The following TRAF6 variants were observed in gnomAD, a reference collection of about 807,000 sequenced individuals.
TRAF6 encodes the protein TNF receptor-associated factor 6.
In TRAF6, 10 loss-of-function variants were observed where a neutral mutation model predicts 48.4. The observed-to-expected ratio is 0.21, with a 90% CI of 0.13 to 0.35. The LOEUF is 0.35. TRAF6 is among the 10% of genes least tolerant of loss of function. The pLI is 1.00. For missense variants in TRAF6, 397 were observed against 661.0 expected (o/e 0.60, Z 4.38); for synonymous variants, 186 against 219.6 (o/e 0.85, Z 1.35).
intron 4 of TRAF6, among the ~76,000 whole-genome samples, chr11:36,495,604 A>G (rs1391858420): frequency 6.6e-6 from 1 of 152,128 alleles, no homozygotes; most frequent in Non-Finnish European, 1.5e-5. Flanking sequence ...TTTAGAAAGG[A>G]GTTGTCGGGC....
intron 1 of TRAF6, among the ~76,000 whole-genome samples, chr11:36,509,144 G>C (rs1200312718): frequency 6.6e-6 from 1 of 152,172 alleles, no homozygotes; most frequent in African/African-American, 2.4e-5. Context: ...GGCCAACACA[G>C]AATTTCTTTA....
intron 1 of TRAF6, 22 bp from the exon 2 acceptor site, chr11:36,501,559 A>T (rs1051766079): frequency 2.1e-5 from 32 of 1,529,268 alleles, no homozygotes; most frequent in Non-Finnish European, 2.6e-5. Context: ...GCAAGAAAAA[A>T]ATGCCTTTAT....
intron 6 of TRAF6, 95 bp downstream of exon 6, chr11:36,492,456 C>A: frequency 9.5e-7 from 1 of 1,056,186 alleles, no homozygotes; most frequent in African/African-American, 1.6e-5. Flanking sequence ...CACTGCTTTA[C>A]AACTACATCT....
chr11:36,502,664 G>C (rs1390257678), intron 1 of TRAF6, among the ~76,000 whole-genome samples: 1 of 152,082 alleles, frequency 6.6e-6, no homozygotes, highest in Non-Finnish European at 1.5e-5. Context: ...CAAAGATTCT[G>C]AGTAGCACTT....
rs1394728488 is a variant in TRAF6 at position 36,485,265 on chromosome 11, C to T, written c.*4573G>A. On this transcript the variant is annotated 3_prime_UTR_variant, in exon 7 of 7. Transcript: ENST00000526995. The stretch of plus-strand genomic sequence containing the variant: ...ATCTAAAATTTACATGACAAGGTAC[C>T]AGAAATTGGTCAGCTTCAACTGCTG... Among the ~76,000 whole-genome samples, 1 of 152,080 alleles carries T rather than the reference C, an allele frequency of 6.6e-6. No homozygotes were observed. Among genetic ancestry groups the T allele is most frequent in the Non-Finnish European group, 1.5e-5 (1 of 68,018 alleles).
chr11:36,507,857 T>C lies in TRAF6; in HGVS notation c.-23+2191A>G, dbSNP rs147198207. On this transcript the variant is annotated intron_variant, in intron 1 of 6. Coordinates refer to ENST00000526995, the MANE Select transcript of TRAF6 (RefSeq NM_004620.4). ...ATATGTGTATATATATACATATATATACACACACTTTTTTTTTTGTCAGGG... is the reference window on the plus strand; with the variant it reads ...ATATGTGTATATATATACATATATACACACACACTTTTTTTTTTGTCAGGG... Among the ~76,000 whole-genome samples the C allele has an allele frequency of 6.1e-3, 894 of 147,422 alleles. 7 individuals are homozygous for C. Among genetic ancestry groups the C allele is most frequent in the African/African-American group, 0.021 (820 of 39,704 alleles).
rs368061710 is a variant in TRAF6, at chr11:36,492,749, T to C, written c.679-121A>G. On this transcript the variant is annotated intron_variant, in intron 5 of 6. Coordinates refer to ENST00000526995, the MANE Select transcript of TRAF6 (RefSeq NM_004620.4). Reference sequence around the variant, plus strand: ...TGTACCACATTGGCAGTTGAATAGGTGCAGCATAAACCATCACCCACAAAA... The same window carrying C: ...TGTACCACATTGGCAGTTGAATAGGCGCAGCATAAACCATCACCCACAAAA... 44 of 709,408 alleles carry C rather than the reference T, an allele frequency of 6.2e-5. 1 individual carries two copies. The East Asian group carries it at 8.7e-4, about 14-fold the overall frequency. 43.9% of individuals were successfully genotyped at this position (709,408 alleles called of 1,614,324 possible).
intron 2 of TRAF6, among the ~76,000 whole-genome samples, chr11:36,499,195 G>T (rs1412605194): frequency 6.6e-6 from 1 of 151,878 alleles, no homozygotes; most frequent in East Asian, 1.9e-4. Context: ...GTATGTCTAG[G>T]GTCCAATGTT....
At chr11:36,500,830 T>A (rs1423988654) in intron 2 of TRAF6, among the ~76,000 whole-genome samples, 1 of 152,168 alleles carries the variant, frequency 6.6e-6, no homozygotes, top group East Asian at 1.9e-4. Context: ...AAAATCACAA[T>A]AACTGATCAC....
chr11:36,488,757 T>C lies in TRAF6; in HGVS notation c.*1081A>G, dbSNP rs772522536. ...GTGATACAACCACTGTGACTTCTAA[T>C]CCTAGTTTGGTGACCTCCTAGGTAT... On this transcript the variant is annotated 3_prime_UTR_variant, in exon 7 of 7. Transcript: ENST00000526995. 5 of 152,232 alleles carry C rather than the reference T, an allele frequency of 3.3e-5. No individual in the cohort carries two copies. 9.4% of individuals were successfully genotyped at this position (152,232 alleles called of 1,614,324 possible).
chr11:36,494,864 AC>A, intron 5 of TRAF6, 111 bp downstream of exon 5: 1 of 711,928 alleles, frequency 1.4e-6, no homozygotes, highest in Non-Finnish European at 2.3e-6. Flanking sequence ...CAGCTCTAAT[AC>A]TTCTTCAATC....
At chr11:36,508,467 G>A (rs1859839761) in intron 1 of TRAF6, among the ~76,000 whole-genome samples, 1 of 152,052 alleles carries the variant, frequency 6.6e-6, no homozygotes, top group Non-Finnish European at 1.5e-5. Context: ...TGTCTTGGGG[G>A]AGGGGGAAGT....
rs2133673051 is a variant in TRAF6 at position 36,498,637 on chromosome 11, A to T, written c.300T>A (p.Asp100Glu). The T allele has an allele frequency of 6.2e-7, 1 of 1,607,266 alleles. No homozygotes were observed. Among genetic ancestry groups the T allele is most frequent in the Non-Finnish European group, 8.5e-7 (1 of 1,178,070 alleles). The change falls in exon 3 of 7, where the codon GAT (aspartate) becomes GAA (glutamate). Residue 100 changes from aspartate to glutamate, a missense_variant. This residue lies in a region of TRAF6 where 245 missense variants were observed against 349.1 expected (regional missense o/e 0.70). Coordinates refer to ENST00000526995, the MANE Select transcript of TRAF6 (RefSeq NM_004620.4). The stretch of plus-strand genomic sequence containing the variant: ...TGTCAACTGGACATTTGTGACCTGC[A>T]TCCCTAACAGAAACAAAATACACAC... Reference protein sequence around the residue: ...CKACIIKSIRDAGHKCPVDNE... With the variant: ...CKACIIKSIREAGHKCPVDNE...
intron 1 of TRAF6, among the ~76,000 whole-genome samples, chr11:36,508,830 C>G (rs5030494): frequency 5.9e-5 from 9 of 152,318 alleles, no homozygotes; most frequent in Non-Finnish European, 1.0e-4. Context: ...GCACTATTTA[C>G]TCTGCTCCAG....
chr11:36,508,021 A>G (rs1415374318), intron 1 of TRAF6, among the ~76,000 whole-genome samples: 1 of 151,330 alleles, frequency 6.6e-6, no homozygotes, highest in East Asian at 2.0e-4. Flanking sequence ...AAGCCTGGTT[A>G]ATTTTTGTAT....
chr11:36,498,101 G>C (rs1381581281), intron 3 of TRAF6, among the ~76,000 whole-genome samples: 2 of 151,974 alleles, frequency 1.3e-5, no homozygotes, highest in African/African-American at 4.8e-5. Flanking sequence ...GGTCAGGCTG[G>C]TCTTGAACTC....
intron 2 of TRAF6, among the ~76,000 whole-genome samples, chr11:36,500,937 T>C (rs992471884): frequency 1.2e-4 from 19 of 152,136 alleles, no homozygotes; most frequent in African/African-American, 4.6e-4. Context: ...CTTTAAAGCA[T>C]AGAGTCACTC....
In TRAF6 at chr11:36,483,838, GT is replaced by G. The variant is rs1564962277; in HGVS notation, c.*5999del. Among the ~76,000 whole-genome samples the G allele has an allele frequency of 6.6e-6, 1 of 152,148 alleles. No individual in the cohort carries two copies. Among genetic ancestry groups the G allele is most frequent in the Non-Finnish European group, 1.5e-5 (1 of 68,040 alleles). On this transcript the variant is annotated 3_prime_UTR_variant, in exon 7 of 7. Transcript: ENST00000526995. ...GACATTGATGCAGTACATAGGGCTGGTAAGGAAGTAGTAACAGTGCGGAGGG... is the reference window on the plus strand; with the variant it reads ...GACATTGATGCAGTACATAGGGCTGGAAGGAAGTAGTAACAGTGCGGAGGG...
chr11:36,490,710 C>T lies in TRAF6; in HGVS notation c.757-60G>A. On this transcript the variant is annotated intron_variant, in intron 6 of 6. Transcript: ENST00000526995. This position sits in a 1 kb window ranked among gnomAD's most constrained non-coding sequence, Gnocchi z 6.4. ...GATACCGTGAGGAGTAGGAAAAGGA[C>T]CTGGCCAGGTCAAATAAGAAGTTTT... 1 of 1,473,132 alleles carries T rather than the reference C, an allele frequency of 6.8e-7. No homozygotes were observed. The allele number at this position is 1,473,132 out of a possible 1,614,324, so 91.3% of individuals were successfully genotyped here.
Sources: gnomAD v4.1 joint callset for allele counts (sites outside exome capture counted in the v4.1 genomes callset) on GRCh38, gnomAD v4.1.1 for gene constraint, gnomAD v4.1.1 regional missense constraint, Gnocchi (gnomAD v3.1) non-coding constraint, MANE v1.5 for transcripts, NCBI Gene and HGNC (gene_info 2026-07-23, HGNC 2026-07-21) for gene names.